HAUS7: variants seen among roughly 807,000 people sequenced by gnomAD.
HAUS7 encodes HAUS augmin like complex subunit 7, also known as HAUS augmin-like complex subunit 7.
A neutral mutation model predicts 28.4 loss-of-function variants in HAUS7; 3 were observed. The ratio of observed to expected loss-of-function variants is 0.11; its 90% CI spans 0.05 to 0.27. The LOEUF is 0.27. HAUS7 is among the 10% of genes least tolerant of loss of function. The probability of loss-of-function intolerance (pLI) is 1.00; values close to 1 mark genes in which losing one functional copy is unlikely to be tolerated. For missense variants in HAUS7, 284 were observed against 297.3 expected, an observed-to-expected ratio of 0.96 and a Z score of 0.33; for synonymous variants, 165 against 132.1, an observed-to-expected ratio of 1.25 and a Z score of -1.71.
chrX:153,482,967 G>C (rs1302099342), intron 1 of HAUS7: 1 of 129,209 alleles, frequency 7.7e-6, no homozygotes, highest in Non-Finnish European at 1.5e-5. Context: ...AGCCCATAGG[G>C]GGATCTGTGC....
intron 3 of HAUS7, among the ~76,000 whole-genome samples, chrX:153,464,617 C>T (rs1230795880): frequency 1.8e-5 from 2 of 112,588 alleles, no homozygotes; most frequent in Non-Finnish European, 3.8e-5. Flanking sequence ...AGGTTAAGCA[C>T]GGTTTCTACC....
At chrX:153,470,902 C>T (rs1556985182), upstream of HAUS7, 3 of 353,004 alleles carry the variant, frequency 8.5e-6, no homozygotes, top group South Asian at 2.6e-5. Context: ...ACGGGCCAAG[C>T]TGGCTCTGAG....
intron 4 of HAUS7, among the ~76,000 whole-genome samples, chrX:153,460,735 G>A (rs1324300152): frequency 2.1e-4 from 24 of 111,917 alleles, no homozygotes; most frequent in African/African-American, 7.8e-4. Context: ...GTGCTCGCAG[G>A]CTCTGAGAAG....
chrX:153,455,938 A>G (rs1556982053), intron 7 of HAUS7, among the ~76,000 whole-genome samples, 172 bp from the exon 8 acceptor site: 1 of 112,108 alleles, frequency 8.9e-6, no homozygotes, highest in African/African-American at 3.2e-5. Flanking sequence ...TCTGGCTCCC[A>G]GCCTCAGCCC....
At chrX:153,468,949 C>G (rs186035498) in intron 2 of HAUS7, among the ~76,000 whole-genome samples, 197 bp downstream of exon 2, 4 of 113,327 alleles carry the variant, frequency 3.5e-5, no homozygotes, top group African/African-American at 1.3e-4. Flanking sequence ...CCAGGGGCCA[C>G]TTTGCCCCAA....
chrX:153,491,114 C>G (rs1432538625), intron 1 of HAUS7, among the ~76,000 whole-genome samples: 1 of 111,562 alleles, frequency 9.0e-6, no homozygotes, highest in Non-Finnish European at 1.9e-5. Context: ...GCCCACTGGA[C>G]ACACTTGGGG....
intron 1 of HAUS7, among the ~76,000 whole-genome samples, chrX:153,478,663 C>T (rs2089578508): frequency 8.9e-6 from 1 of 112,659 alleles, no homozygotes; most frequent in South Asian, 3.6e-4. Flanking sequence ...GAACCAGGAG[C>T]CAGCCCAGCC....
rs782194890 is a variant in HAUS7 at position 153,462,706 on chromosome X, C to T, written c.293-35G>A. 4 of 1,073,026 alleles carry T rather than the reference C, an allele frequency of 3.7e-6. No individual in the cohort carries two copies. In the African/African-American group the frequency reaches 5.4e-5, roughly 15 times the overall value. The allele number at this position is 1,073,026 out of a possible 1,213,427, so 88.4% of individuals were successfully genotyped here. A position where few individuals can be genotyped will look rare whatever the true frequency, so the allele number is the denominator to read the frequency against. On this transcript the variant is annotated intron_variant, in intron 3 of 9. Coordinates refer to ENST00000370211, the MANE Select transcript of HAUS7 (RefSeq NM_001385482.1). ...CACAAAGAGCCCATCATGGCAGGCA[C>T]CTGCCCAGACAGCAGGGGACAGCAG...
chrX:153,454,162 T>C (rs1330693784), intron 9 of HAUS7, among the ~76,000 whole-genome samples: 1 of 112,951 alleles, frequency 8.9e-6, no homozygotes, highest in African/African-American at 3.2e-5. Context: ...GCATTTGTTA[T>C]CATTTGCTTC....
chrX:153,465,480 G>C (rs961290704), intron 2 of HAUS7, among the ~76,000 whole-genome samples: 1 of 111,755 alleles, frequency 8.9e-6, no homozygotes, highest in Non-Finnish European at 1.9e-5. Flanking sequence ...ACTGCTCCAG[G>C]GTGGAAAACT....
At chrX:153,467,061 G>A (rs1556984383) in intron 2 of HAUS7, among the ~76,000 whole-genome samples, 2 of 111,236 alleles carry the variant, frequency 1.8e-5, no homozygotes, top group Non-Finnish European at 1.9e-5. Flanking sequence ...TTCCCCAAGT[G>A]CCCCCAGCTT....
rs782771286 is a variant in HAUS7, at chrX:153,470,387, C to T, written c.108+63G>A. ...CGCGGACTTCCGCAGCAAGCCCTCC[C>T]GGGCCTCGGGCGGGGCCCTCCCCGG... is the stretch of plus-strand genomic sequence containing the variant. On this transcript the variant is annotated intron_variant, in intron 1 of 9. Coordinates refer to ENST00000370211, the MANE Select transcript of HAUS7 (RefSeq NM_001385482.1). 1.2e-5 allele frequency: 14 copies of T among 1,128,777 alleles called. No homozygotes were observed. In the African/African-American group the frequency reaches 2.2e-4, roughly 17 times the overall value. 93.0% of individuals were successfully genotyped at this position (1,128,777 alleles called of 1,213,427 possible).
intron 1 of HAUS7, chrX:153,480,440 C>T: frequency 3.5e-6 from 1 of 283,341 alleles, no homozygotes. Flanking sequence ...TGTTCTCTCG[C>T]CAGTGCTCCT....
intron 1 of HAUS7, chrX:153,483,474 A>G (rs1029703587): frequency 9.3e-6 from 7 of 754,673 alleles, no homozygotes; most frequent in South Asian, 1.3e-4. Flanking sequence ...CTTCGCCCCA[A>G]TGGGCATTCG....
chrX:153,455,887 C>T lies in HAUS7; in HGVS notation c.706-121G>A. 4 of 483,958 alleles carry T rather than the reference C, an allele frequency of 8.3e-6. No individual in the cohort carries two copies. In the South Asian group the frequency reaches 1.2e-4, roughly 15 times the overall value. The allele number at this position is 483,958 out of a possible 1,213,427, so 39.9% of individuals were successfully genotyped here. On this transcript the variant is annotated intron_variant, in intron 7 of 9. Coordinates refer to ENST00000370211, the MANE Select transcript of HAUS7 (RefSeq NM_001385482.1). Reference sequence around the variant, plus strand: ...AAGAAAGCTTTCAGAAACAGGGACACAGGGGAGCTGTACCGAGCGACTCAG... The same window carrying T: ...AAGAAAGCTTTCAGAAACAGGGACATAGGGGAGCTGTACCGAGCGACTCAG...
chrX:153,485,801 C>T (rs1431476486), intron 1 of HAUS7: 13 of 900,688 alleles, frequency 1.4e-5, no homozygotes, highest in South Asian at 7.6e-5. Context: ...GTCCTACAAC[C>T]GGCTGGTGCA....
chrX:153,454,582 G>T, intron 8 of HAUS7, 74 bp from the exon 9 acceptor site: 2 of 602,782 alleles, frequency 3.3e-6, no homozygotes, highest in Non-Finnish European at 5.4e-6. Flanking sequence ...GTCTCACGTA[G>T]CGACGGCATC....
intron 1 of HAUS7, among the ~76,000 whole-genome samples, chrX:153,492,850 G>T (rs1556989913): frequency 9.0e-6 from 1 of 111,287 alleles, no homozygotes; most frequent in Non-Finnish European, 1.9e-5. Context: ...ATGGCCCTGC[G>T]CCCCCACGGT....
At chrX:153,471,475 G>A, upstream of HAUS7, among the ~76,000 whole-genome samples, 1 of 112,351 alleles carries the variant, frequency 8.9e-6, no homozygotes, top group Middle Eastern at 4.7e-3. Context: ...AACTCAATGC[G>A]TCTGCAATGA....
Sources: gnomAD v4.1 joint callset for allele counts (sites outside exome capture counted in the v4.1 genomes callset) on GRCh38, gnomAD v4.1.1 for gene constraint, MANE v1.5 for transcripts, NCBI Gene and HGNC (gene_info 2026-07-23, HGNC 2026-07-21) for gene names.